The following OPCML variants were observed in gnomAD, a reference collection of about 807,000 sequenced individuals.
OPCML encodes the protein opioid binding protein/cell adhesion molecule like, also known as opioid-binding protein/cell adhesion molecule.
A neutral mutation model predicts 37.8 loss-of-function variants in OPCML; 13 were observed. The observed-to-expected ratio is 0.34, with a 90% CI of 0.22 to 0.55. OPCML has a LOEUF of 0.55. Ranked by LOEUF, OPCML falls within the 20% of genes least tolerant of loss-of-function variation. The pLI is 0.91. For synonymous variants in OPCML, 176 were observed against 168.8 expected, an observed-to-expected ratio of 1.04 and a Z score of -0.33; for missense variants, 341 against 435.6, an observed-to-expected ratio of 0.78 and a Z score of 1.93.
chr11:133,173,108 C>T lies in OPCML; in HGVS notation c.62-230098G>A, dbSNP rs1395365115. Among the ~76,000 whole-genome samples the T allele has an allele frequency of 6.6e-6, 1 of 152,132 alleles. No individual in the cohort carries two copies. On this transcript the variant is annotated intron_variant, in intron 1 of 7. Transcript: ENST00000524381. This position sits in a 1 kb window ranked among gnomAD's most constrained non-coding sequence, Gnocchi z 7.8. ...CTTCCACTTTACGTTGGGCTTGCTT[C>T]CAAGTGGTAATAGCCATTTCCAACA...
At chr11:132,642,454 A>T (rs1940905097) in intron 3 of OPCML, among the ~76,000 whole-genome samples, 1 of 152,236 alleles carries the variant, frequency 6.6e-6, no homozygotes, top group Non-Finnish European at 1.5e-5. Context: ...ACATGTTCAC[A>T]TGTATTAAAA....
intron 1 of OPCML, among the ~76,000 whole-genome samples, chr11:133,495,568 G>A (rs904747017): frequency 1.1e-4 from 16 of 152,072 alleles, no homozygotes; most frequent in African/African-American, 2.2e-4. Flanking sequence ...AGCATCTACC[G>A]TTTTTTGATT....
intron 1 of OPCML, among the ~76,000 whole-genome samples, chr11:133,416,767 A>T (rs529845455): frequency 6.6e-6 from 1 of 152,290 alleles, no homozygotes; most frequent in South Asian, 2.1e-4. Context: ...ATTATCCTGA[A>T]GGATCAGAGA....
At chr11:133,484,161 TAGGTA>T in intron 1 of OPCML, among the ~76,000 whole-genome samples, 1 of 128,942 alleles carries the variant, frequency 7.8e-6, no homozygotes, top group African/African-American at 3.8e-5. Context: ...GATAGATAGA[TAGGTA>T]GATAGATAGA....
chr11:132,492,096 G>T (rs1028384530), intron 4 of OPCML, among the ~76,000 whole-genome samples: 11 of 151,934 alleles, frequency 7.2e-5, no homozygotes, highest in African/African-American at 2.7e-4. Flanking sequence ...CATTAAGGGA[G>T]CCTGAGGCTT....
chr11:132,478,936 T>G (rs1031281660), intron 4 of OPCML, among the ~76,000 whole-genome samples: 4 of 152,188 alleles, frequency 2.6e-5, no homozygotes, highest in Non-Finnish European at 4.4e-5. Context: ...ACTCATCAGC[T>G]GAACATGTAT....
chr11:133,091,650 C>A (rs2137052995), intron 1 of OPCML, among the ~76,000 whole-genome samples: 1 of 152,254 alleles, frequency 6.6e-6, no homozygotes, highest in South Asian at 2.1e-4. Flanking sequence ...CTTTATTTCC[C>A]CCTATTTCTT....
intron 4 of OPCML, among the ~76,000 whole-genome samples, chr11:132,444,052 G>T (rs2096045935): frequency 6.6e-6 from 1 of 152,186 alleles, no homozygotes; most frequent in Non-Finnish European, 1.5e-5. Flanking sequence ...GCTCAAAGTG[G>T]ACCCGAGAGT....
At chr11:132,658,073 G>A (rs779020015) in intron 2 of OPCML, among the ~76,000 whole-genome samples, 2 of 152,200 alleles carry the variant, frequency 1.3e-5, no homozygotes, top group African/African-American at 4.8e-5. Context: ...AACAAGGCCT[G>A]TGTGTCAGTG....
intron 1 of OPCML, among the ~76,000 whole-genome samples, chr11:133,015,324 GA>G (rs1198818648): frequency 5.0e-5 from 7 of 138,784 alleles, no homozygotes; most frequent in African/African-American, 1.0e-4. Context: ...AGAAAGAAAG[GA>G]AAAAAAGAAG....
intron 1 of OPCML, among the ~76,000 whole-genome samples, chr11:133,284,247 C>T (rs1034945539): frequency 1.3e-5 from 2 of 152,198 alleles, no homozygotes; most frequent in African/African-American, 2.4e-5. Flanking sequence ...AGGCTCATTA[C>T]GACCCAGTGC....
At chr11:132,593,476 G>A (rs1307081546) in intron 3 of OPCML, among the ~76,000 whole-genome samples, 3 of 152,116 alleles carry the variant, frequency 2.0e-5, no homozygotes, top group Non-Finnish European at 2.9e-5. Flanking sequence ...ATTTAACTGC[G>A]AAATAATTAA....
At chr11:132,698,686 C>G (rs758210842) in intron 2 of OPCML, among the ~76,000 whole-genome samples, 3 of 152,036 alleles carry the variant, frequency 2.0e-5, no homozygotes, top group Non-Finnish European at 4.4e-5. Context: ...CTTTTGGGAT[C>G]ATATCCAAAA....
chr11:133,026,595 T>C (rs1359684292), intron 1 of OPCML: 2 of 984,658 alleles, frequency 2.0e-6, no homozygotes, highest in East Asian at 2.3e-4. Context: ...TCTTTCTAGC[T>C]AATGTCCCAC....
At chr11:133,179,673 A>T (rs1937729827) in intron 1 of OPCML, among the ~76,000 whole-genome samples, 1 of 152,220 alleles carries the variant, frequency 6.6e-6, no homozygotes, top group African/African-American at 2.4e-5. Context: ...GACTGTGACC[A>T]CTGATATCCT....
intron 2 of OPCML, among the ~76,000 whole-genome samples, chr11:132,842,079 C>T (rs917126120): frequency 5.3e-5 from 8 of 151,914 alleles, no homozygotes; most frequent in African/African-American, 1.7e-4. Flanking sequence ...GAAATGACAG[C>T]GATTAAAGCA....
At chr11:133,046,315 CAGT>C (rs1948014811) in intron 1 of OPCML, among the ~76,000 whole-genome samples, 1 of 152,218 alleles carries the variant, frequency 6.6e-6, no homozygotes, top group African/African-American at 2.4e-5. Context: ...AAGCAAGAAG[CAGT>C]AGCTCATATT....
chr11:133,007,343 C>T (rs1394338525), intron 1 of OPCML: 2 of 985,308 alleles, frequency 2.0e-6, no homozygotes, highest in East Asian at 1.1e-4. Flanking sequence ...ATTGATTTAA[C>T]CTCCCTTATC....
intron 1 of OPCML, chr11:133,003,864 G>A (rs1289816685): frequency 4.1e-6 from 4 of 985,372 alleles, no homozygotes; most frequent in Non-Finnish European, 4.8e-6. Context: ...CATCCACCGT[G>A]TGCCCTCGAC....
Sources: gnomAD v4.1 joint callset for allele counts (sites outside exome capture counted in the v4.1 genomes callset) on GRCh38, gnomAD v4.1.1 for gene constraint, Gnocchi (gnomAD v3.1) non-coding constraint, MANE v1.5 for transcripts, NCBI Gene and HGNC (gene_info 2026-07-23, HGNC 2026-07-21) for gene names.